Variants in CTC1 observed in about 807,000 individuals in gnomAD.
CTC1 encodes the protein CST complex subunit CTC1.
CTC1 carries 91 observed loss-of-function variants against 136.3 expected under a neutral mutation model. The ratio of observed to expected loss-of-function variants is 0.67; its 90% CI spans 0.56 to 0.79. CTC1 has a LOEUF of 0.79. Among genes scored for constraint, CTC1 ranks in the 30% least tolerant of loss-of-function variants. The probability of loss-of-function intolerance (pLI) is 0.00; values close to 1 mark genes in which losing one functional copy is unlikely to be tolerated. For synonymous variants in CTC1, 606 were observed against 613.8 expected, an observed-to-expected ratio of 0.99 and a Z score of 0.19; for missense variants, 1,432 against 1,498.1, an observed-to-expected ratio of 0.96 and a Z score of 0.73.
intron 4 of CTC1, 136 bp downstream of exon 4, chr17:8,237,895 C>T (rs2151529617): frequency 4.2e-6 from 3 of 712,764 alleles, no homozygotes; most frequent in East Asian, 2.7e-5. Context: ...TCTTAATATT[C>T]AAAGCCCACC....
At chr17:8,245,901 CAATTCAAAATTAGCTGGATTAGCCTGG>C (rs1988645028) in intron 1 of CTC1, among the ~76,000 whole-genome samples, 1 of 139,078 alleles carries the variant, frequency 7.2e-6, no homozygotes, top group African/African-American at 2.6e-5. Flanking sequence ...AACTCTAAAA[CAATTCAAAATTAGCTGGATTAGCCTGG>C]CGTGGTAGCA....
chr17:8,224,868 CT>C lies in CTC1; in HGVS notation c.*3311del, dbSNP rs1334545436. The C allele has an allele frequency of 2.0e-5, 3 of 152,104 alleles. No homozygotes were observed. The highest frequency in any genetic ancestry group is 4.4e-5 in the Non-Finnish European group (3 of 68,048). 9.4% of individuals were successfully genotyped at this position (152,104 alleles called of 1,614,324 possible). On this transcript the variant is annotated 3_prime_UTR_variant, in exon 23 of 23. Transcript: ENST00000651323. ...CATTTTTTTGAGACGGAGTTTCACTCTTGTTGCCCAGGCTGGGATGCAGTGG... is the reference window on the plus strand; with the variant it reads ...CATTTTTTTGAGACGGAGTTTCACTCTGTTGCCCAGGCTGGGATGCAGTGG...
In CTC1 at chr17:8,235,976, G is replaced by A; in HGVS notation, c.1078-17C>T. ...GACTGCTCCCTGCAAACAGGCCGAG[G>A]TCCAGTTGACCACTATTTTCTTCCT... On this transcript the variant is annotated splice_polypyrimidine_tract_variant and intron_variant, in intron 6 of 22. Transcript: ENST00000651323. The A allele has an allele frequency of 6.2e-7, 1 of 1,601,596 alleles. No individual in the cohort carries two copies. Among genetic ancestry groups the A allele is most frequent in the East Asian group, 2.2e-5 (1 of 44,520 alleles).
At chr17:8,230,037 G>C in intron 17 of CTC1, 69 bp from the exon 18 acceptor site, 1 of 1,447,992 alleles carries the variant, frequency 6.9e-7, no homozygotes, top group Admixed American at 1.7e-5. Context: ...CTGGGACTCA[G>C]AGATCAAGCA....
At position 8,226,257 on chromosome 17, in the gene CTC1, C is replaced by G. The variant is rs1444661948; in HGVS notation, c.*1923G>C. 1 of 152,306 alleles carries G rather than the reference C, an allele frequency of 6.6e-6. No individual in the cohort carries two copies. The highest frequency in any genetic ancestry group is 1.9e-4 in the East Asian group (1 of 5,198). The allele number at this position is 152,306 out of a possible 1,614,324, so 9.4% of individuals were successfully genotyped here. ...TAAAGGCACCGCTGGGATTCGAACC[C>G]AGGATCTCCTGTTTACTAGACAGGC... is the stretch of plus-strand genomic sequence containing the variant. On this transcript the variant is annotated 3_prime_UTR_variant, in exon 23 of 23. Coordinates refer to ENST00000651323, the MANE Select transcript of CTC1 (RefSeq NM_025099.6).
At chr17:8,230,880 A>G (rs1268751487) in intron 15 of CTC1, 2 of 552,398 alleles carry the variant, frequency 3.6e-6, no homozygotes, top group East Asian at 6.1e-5. Flanking sequence ...TCACGCCCCT[A>G]AATCCCAGCA....
Position 8,238,070 on chromosome 17 carries a change from A to C in CTC1, c.608T>G (p.Val203Gly). ...ISPGPVTPIP[V>G]LYPESASCLL... ...GCAGGAAGCACTCTCTGGGTAGAGG[A>C]CAGGGATAGGCGTGACGGGGCCAGG... Residue 203 changes from valine to glycine, a missense_variant, in exon 4 of 23, where the codon GTC becomes GGC. Coordinates refer to ENST00000651323, the MANE Select transcript of CTC1 (RefSeq NM_025099.6). The C allele has an allele frequency of 6.2e-7, 1 of 1,614,122 alleles. No individual in the cohort carries two copies. The highest frequency in any genetic ancestry group is 1.1e-5 in the South Asian group (1 of 91,084).
chr17:8,247,716 C>T (rs1988873085), intron 1 of CTC1: 2 of 414,954 alleles, frequency 4.8e-6, no homozygotes, highest in Non-Finnish European at 8.9e-6. Context: ...CTCCAGGAAC[C>T]CACAGCCCCA....
In CTC1 at chr17:8,226,099, G is replaced by A. The variant is rs1232353899; in HGVS notation, c.*2081C>T. The A allele has an allele frequency of 6.6e-6, 1 of 152,184 alleles. No homozygotes were observed. The highest frequency in any genetic ancestry group is 1.5e-5 in the Non-Finnish European group (1 of 68,040). 9.4% of individuals were successfully genotyped at this position (152,184 alleles called of 1,614,324 possible). ...CCACCTTTTAGAGTGGCGATCTCAT[G>A]GGAGTGGCAGCTTGACTCTGCAGGA... On this transcript the variant is annotated 3_prime_UTR_variant, in exon 23 of 23. Transcript: ENST00000651323.
intron 1 of CTC1, among the ~76,000 whole-genome samples, chr17:8,246,206 C>CAAA (rs57484918): frequency 1.0e-4 from 9 of 87,274 alleles, no homozygotes; most frequent in African/African-American, 1.4e-4. Context: ...GACCTTGTTT[C>CAAA]AAAAAAAAAA....
At chr17:8,247,294 C>A (rs917422232) in intron 1 of CTC1, among the ~76,000 whole-genome samples, 6 of 149,680 alleles carry the variant, frequency 4.0e-5, no homozygotes, top group African/African-American at 1.5e-4. Flanking sequence ...GTCCTGAAAC[C>A]CCTTCCGGCG....
Position 8,228,848 on chromosome 17 carries a change from C to T in CTC1, c.3266G>A (p.Arg1089Lys). 1.9e-6 allele frequency: 3 copies of T among 1,613,994 alleles called. No homozygotes were observed. Among genetic ancestry groups the T allele is most frequent in the Non-Finnish European group, 2.5e-6 (3 of 1,179,938 alleles). The change falls in exon 21 of 23, where the codon AGG (arginine) becomes AAG (lysine). Residue 1089 changes from arginine to lysine, a missense_variant. Coordinates refer to ENST00000651323, the MANE Select transcript of CTC1 (RefSeq NM_025099.6). ...DGTAEAVVTCRNHHVAAALGL... is the reference protein window; with the variant it reads ...DGTAEAVVTCKNHHVAAALGL... Reference sequence around the variant, plus strand: ...TAGTGCTGCTGCCACATGGTGATTCCTACAGGTCACCACGGCTTCGGCAGT... The same window carrying T: ...TAGTGCTGCTGCCACATGGTGATTCTTACAGGTCACCACGGCTTCGGCAGT...
At chr17:8,247,165 G>A (rs1156654281) in intron 1 of CTC1, among the ~76,000 whole-genome samples, 1 of 150,822 alleles carries the variant, frequency 6.6e-6, no homozygotes, top group African/African-American at 2.4e-5. Flanking sequence ...TGTTAAAGTC[G>A]CTGCTTAGCA....
In CTC1 at chr17:8,235,876, C is replaced by T. The variant is rs755078644; in HGVS notation, c.1161G>A (p.Gln387=). 13 of 1,613,954 alleles carry T rather than the reference C, an allele frequency of 8.1e-6. No homozygotes were observed. Among genetic ancestry groups the T allele is most frequent in the Non-Finnish European group, 9.3e-6 (11 of 1,179,836 alleles). The change falls in exon 7 of 23, where the codon CAG becomes CAA. Residue 387 remains glutamine, a synonymous_variant. Coordinates refer to ENST00000651323, the MANE Select transcript of CTC1 (RefSeq NM_025099.6). ...GQLGLCLAYQ[Q]FRGLRRVMRP... ...GCATCACCCGCCTAAGGCCACGGAACTGCTGGTAGGCAAGGCAGAGCCCCA... is the reference window on the plus strand; with the variant it reads ...GCATCACCCGCCTAAGGCCACGGAATTGCTGGTAGGCAAGGCAGAGCCCCA...
In CTC1 at chr17:8,232,891, A is replaced by G; in HGVS notation, c.1945+15T>C. On this transcript the variant is annotated intron_variant, in intron 11 of 22. Transcript: ENST00000651323. Reference sequence around the variant, plus strand: ...CATCCCACTACCATCTTCTTTCCACATCTGAACTCCAAACCTATCAGCCGT... The same window carrying G: ...CATCCCACTACCATCTTCTTTCCACGTCTGAACTCCAAACCTATCAGCCGT... 1 of 1,613,360 alleles carries G rather than the reference A, an allele frequency of 6.2e-7. No homozygotes were observed. Among genetic ancestry groups the G allele is most frequent in the Non-Finnish European group, 8.5e-7 (1 of 1,179,624 alleles).
intron 2 of CTC1, 117 bp from the exon 3 acceptor site, chr17:8,238,746 G>A (rs911258843): frequency 2.7e-6 from 2 of 729,938 alleles, no homozygotes; most frequent in African/African-American, 1.8e-5. Context: ...CATGGACTAA[G>A]AGGTGAGTTT....
At chr17:8,239,045 T>C (rs1368912035) in intron 2 of CTC1, among the ~76,000 whole-genome samples, 1 of 130,898 alleles carries the variant, frequency 7.6e-6, no homozygotes, top group Non-Finnish European at 1.5e-5. Context: ...TGAGCTGAGA[T>C]CACGCCACTG....
intron 11 of CTC1, 131 bp downstream of exon 11, chr17:8,232,775 C>A: frequency 8.1e-7 from 1 of 1,238,712 alleles, no homozygotes; most frequent in Non-Finnish European, 1.1e-6. Flanking sequence ...ACAAGTCTCC[C>A]AGAAGTTGTT....
chr17:8,243,806 T>C (rs1988471067), intron 1 of CTC1, among the ~76,000 whole-genome samples: 2 of 152,218 alleles, frequency 1.3e-5, no homozygotes, highest in African/African-American at 4.8e-5. Flanking sequence ...GTGCAGTGGC[T>C]CACGCTTGTA....
Sources: gnomAD v4.1 joint callset for allele counts (sites outside exome capture counted in the v4.1 genomes callset) on GRCh38, gnomAD v4.1.1 for gene constraint, MANE v1.5 for transcripts, NCBI Gene and HGNC (gene_info 2026-07-23, HGNC 2026-07-21) for gene names.